Variants in NPFFR2 observed in about 807,000 individuals in gnomAD.
NPFFR2 encodes neuropeptide FF receptor 2, also known as G-protein coupled receptor 74.
NPFFR2 carries 15 observed loss-of-function variants against 13.1 expected under a neutral mutation model. That is an observed-to-expected ratio of 1.15 (90% CI 0.77 to 1.76). The LOEUF (loss-of-function observed/expected upper bound fraction) is 1.76. Ranked by LOEUF, NPFFR2 falls within the 40% of genes most tolerant of loss-of-function variation. NPFFR2 has a pLI of 0.00. For synonymous variants in NPFFR2, 190 were observed against 175.7 expected (o/e 1.08, Z -0.65); for missense variants, 572 against 503.5 (o/e 1.14, Z -1.30).
intron 1 of NPFFR2, among the ~76,000 whole-genome samples, chr4:72,067,299 G>T (rs1464729289): frequency 6.6e-6 from 1 of 151,774 alleles, no homozygotes; most frequent in Non-Finnish European, 1.5e-5. Context: ...GGAAAGAAAG[G>T]ACTTACAGTA....
chr4:72,088,349 T>G (rs1720823894), intron 1 of NPFFR2, among the ~76,000 whole-genome samples: 1 of 152,026 alleles, frequency 6.6e-6, no homozygotes, highest in Non-Finnish European at 1.5e-5. Context: ...GATGAAAATG[T>G]GTAGGTTTTG....
chr4:72,033,526 G>GT (rs1234276241), intron 1 of NPFFR2, among the ~76,000 whole-genome samples: 2 of 152,020 alleles, frequency 1.3e-5, no homozygotes, highest in Non-Finnish European at 2.9e-5. Context: ...CTCAATATGT[G>GT]TTTTTCCAAA....
At chr4:72,054,367 GAT>G (rs1719680806) in intron 1 of NPFFR2, among the ~76,000 whole-genome samples, 1 of 151,824 alleles carries the variant, frequency 6.6e-6, no homozygotes, top group Non-Finnish European at 1.5e-5. Flanking sequence ...ATGGATCCAA[GAT>G]AATTCAATTA....
chr4:72,106,676 T>G (rs570196233), intron 1 of NPFFR2, among the ~76,000 whole-genome samples: 9 of 151,896 alleles, frequency 5.9e-5, no homozygotes, highest in African/African-American at 2.2e-4. Flanking sequence ...GGATGGGAGC[T>G]GAGAATGACA....
At chr4:72,034,111 T>C (rs1430563095) in intron 1 of NPFFR2, among the ~76,000 whole-genome samples, 1 of 152,158 alleles carries the variant, frequency 6.6e-6, no homozygotes, top group African/African-American at 2.4e-5. Context: ...ACTGCCCTCC[T>C]TATTATGGAA....
chr4:72,097,452 C>A (rs150616472), intron 1 of NPFFR2, among the ~76,000 whole-genome samples: 121 of 152,166 alleles, frequency 8.0e-4, no homozygotes, highest in African/African-American at 2.7e-3. Flanking sequence ...TCTATTGTGA[C>A]CAGCTCATAA....
intron 1 of NPFFR2, among the ~76,000 whole-genome samples, chr4:72,117,966 T>C (rs113411547): frequency 7.9e-5 from 12 of 151,498 alleles, no homozygotes; most frequent in African/African-American, 2.9e-4. Flanking sequence ...TAACCTGAGA[T>C]ATATTAAAAA....
At chr4:72,121,636 A>G (rs1434861104) in intron 1 of NPFFR2, among the ~76,000 whole-genome samples, 1 of 152,238 alleles carries the variant, frequency 6.6e-6, no homozygotes, top group East Asian at 1.9e-4. Flanking sequence ...CCAGAATTTC[A>G]TATCTAGCCA....
intron 1 of NPFFR2, among the ~76,000 whole-genome samples, chr4:72,105,618 G>C (rs544456989): frequency 1.3e-5 from 2 of 152,074 alleles, no homozygotes; most frequent in South Asian, 4.1e-4. Context: ...CCAGGTTATA[G>C]GTTAAATTAA....
At chr4:72,114,699 T>C (rs1474514869) in intron 1 of NPFFR2, among the ~76,000 whole-genome samples, 3 of 152,150 alleles carry the variant, frequency 2.0e-5, no homozygotes, top group African/African-American at 7.2e-5. Flanking sequence ...AAGTCACCCC[T>C]ACTAATAGAT....
At chr4:72,107,631 C>T (rs1286122641) in intron 1 of NPFFR2, among the ~76,000 whole-genome samples, 1 of 151,884 alleles carries the variant, frequency 6.6e-6, no homozygotes, top group Non-Finnish European at 1.5e-5. Flanking sequence ...ATAAGGTACT[C>T]AGCTTGCATT....
chr4:72,128,528 A>G, intron 1 of NPFFR2, 57 bp from the exon 2 acceptor site: 2 of 1,099,680 alleles, frequency 1.8e-6, no homozygotes, highest in Non-Finnish European at 2.6e-6. Flanking sequence ...CAGGCACAGA[A>G]TTTATGCTTT....
intron 1 of NPFFR2, among the ~76,000 whole-genome samples, chr4:72,062,458 A>T (rs552492199): frequency 1.3e-5 from 2 of 152,228 alleles, no homozygotes; most frequent in East Asian, 3.9e-4. Flanking sequence ...ACTTTTCACA[A>T]ATTGACTTTA....
At chr4:72,139,883 T>G (rs538892937) in intron 3 of NPFFR2, among the ~76,000 whole-genome samples, 4 of 152,194 alleles carry the variant, frequency 2.6e-5, no homozygotes, top group African/African-American at 9.6e-5. Flanking sequence ...ATTCTTTCTA[T>G]CCATGAGCAT....
chr4:72,037,231 A>T lies in NPFFR2; in HGVS notation c.-8+5031A>T, dbSNP rs564757558. On this transcript the variant is annotated intron_variant, in intron 1 of 3. Transcript: ENST00000308744. ...TAGTGAGATCCTGTGCCTACAAATT[A>T]AAAAAAAAAACAAAAAACTAGCTGG... Among the ~76,000 whole-genome samples, 32 of 138,468 alleles carry T rather than the reference A, an allele frequency of 2.3e-4. No homozygotes were observed. The East Asian group carries it at 7.4e-3, about 32-fold the overall frequency. 90.8% of individuals were successfully genotyped at this position (138,468 alleles called of 152,430 possible).
At chr4:72,095,286 G>A (rs1366437023) in intron 1 of NPFFR2, among the ~76,000 whole-genome samples, 1 of 152,156 alleles carries the variant, frequency 6.6e-6, no homozygotes, top group Non-Finnish European at 1.5e-5. Flanking sequence ...AACTAATTGT[G>A]TGCATCTTGT....
At chr4:72,125,120 C>A (rs1026032151) in intron 1 of NPFFR2, among the ~76,000 whole-genome samples, 1 of 152,046 alleles carries the variant, frequency 6.6e-6, no homozygotes, top group Admixed American at 6.5e-5. Context: ...GTGAAGGATA[C>A]GAACAGACAC....
intron 1 of NPFFR2, among the ~76,000 whole-genome samples, chr4:72,119,450 TATTGAAATAAGC>T (rs1369957776): frequency 6.6e-6 from 1 of 152,094 alleles, no homozygotes; most frequent in Non-Finnish European, 1.5e-5. Context: ...CTTATTGAAA[TATTGAAATAAGC>T]ATTGAAAAAT....
At chr4:72,089,712 G>T (rs183336047) in intron 1 of NPFFR2, among the ~76,000 whole-genome samples, 24 of 152,094 alleles carry the variant, frequency 1.6e-4, no homozygotes, top group Admixed American at 3.9e-4. Flanking sequence ...GTAGATTCTG[G>T]ATATTAGTCC....
Sources: gnomAD v4.1 joint callset for allele counts (sites outside exome capture counted in the v4.1 genomes callset) on GRCh38, gnomAD v4.1.1 for gene constraint, MANE v1.5 for transcripts, NCBI Gene and HGNC (gene_info 2026-07-23, HGNC 2026-07-21) for gene names.